Variants in DRD2 observed in about 807,000 individuals in gnomAD.
The protein encoded by DRD2 is dopamine receptor D2.
A neutral mutation model predicts 38.0 loss-of-function variants in DRD2; 8 were observed. That is an observed-to-expected ratio of 0.21 (90% CI 0.12 to 0.38). DRD2 has a LOEUF of 0.38. Among genes scored for constraint, DRD2 ranks in the 10% least tolerant of loss-of-function variants. The probability of loss-of-function intolerance (pLI) is 1.00; values close to 1 mark genes in which losing one functional copy is unlikely to be tolerated. For synonymous variants in DRD2, 230 were observed against 238.6 expected, an observed-to-expected ratio of 0.96 and a Z score of 0.33; for missense variants, 403 against 607.7, an observed-to-expected ratio of 0.66 and a Z score of 3.54.
chr11:113,443,963 G>A (rs978909050), intron 1 of DRD2, among the ~76,000 whole-genome samples: 2 of 152,190 alleles, frequency 1.3e-5, no homozygotes, highest in Non-Finnish European at 1.5e-5. Context: ...GAAGCTGTAA[G>A]TAAAGTACTA....
At chr11:113,438,253 A>G (rs1422590216) in intron 1 of DRD2, among the ~76,000 whole-genome samples, 1 of 152,118 alleles carries the variant, frequency 6.6e-6, no homozygotes, top group African/African-American at 2.4e-5. Context: ...ACTTGGTAGC[A>G]GTATGGCCTT....
At chr11:113,433,476 G>A (rs1025204223) in intron 1 of DRD2, among the ~76,000 whole-genome samples, 5 of 152,156 alleles carry the variant, frequency 3.3e-5, no homozygotes, top group African/African-American at 1.2e-4. Context: ...TACCATTTGG[G>A]GGTGGCAGAG....
chr11:113,450,237 C>G (rs1169375269), intron 1 of DRD2: 1 of 152,290 alleles, frequency 6.6e-6, no homozygotes, highest in East Asian at 1.9e-4. Context: ...TGAGCCAAAG[C>G]ACTTCCAGCT....
chr11:113,472,124 T>A (rs1329503712), intron 1 of DRD2, among the ~76,000 whole-genome samples: 3 of 152,240 alleles, frequency 2.0e-5, no homozygotes, highest in Admixed American at 1.3e-4. Flanking sequence ...AGTCTCATCA[T>A]ATCTGTCTCT....
At chr11:113,437,024 A>G (rs1036779464) in intron 1 of DRD2, among the ~76,000 whole-genome samples, 1 of 152,132 alleles carries the variant, frequency 6.6e-6, no homozygotes, top group Non-Finnish European at 1.5e-5. Context: ...CTTTGGCCTA[A>G]TAAGTCATGT....
intron 2 of DRD2, among the ~76,000 whole-genome samples, chr11:113,421,668 T>C (rs1465442018): frequency 6.6e-6 from 1 of 152,152 alleles, no homozygotes; most frequent in East Asian, 1.9e-4. Flanking sequence ...GATGTTGGCA[T>C]GGCATTGCTG....
intron 2 of DRD2, among the ~76,000 whole-genome samples, chr11:113,421,913 C>T (rs1438234859): frequency 1.3e-5 from 2 of 152,168 alleles, no homozygotes; most frequent in Non-Finnish European, 2.9e-5. Context: ...AGAATGGCTT[C>T]TGCACCCTCC....
At chr11:113,435,365 G>A (rs997633521) in intron 1 of DRD2, among the ~76,000 whole-genome samples, 1 of 151,908 alleles carries the variant, frequency 6.6e-6, no homozygotes, top group African/African-American at 2.4e-5. Context: ...CAGTGATGCT[G>A]AGCGGGGTGG....
At chr11:113,440,731 C>A (rs1951081873) in intron 1 of DRD2, among the ~76,000 whole-genome samples, 1 of 152,186 alleles carries the variant, frequency 6.6e-6, no homozygotes, top group East Asian at 1.9e-4. Flanking sequence ...CTCCAGAGAT[C>A]CACTTATGAG....
chr11:113,427,075 T>C (rs941783830), intron 1 of DRD2, among the ~76,000 whole-genome samples: 2 of 152,222 alleles, frequency 1.3e-5, no homozygotes, highest in African/African-American at 4.8e-5. Flanking sequence ...GATGATAGCA[T>C]CATATACTTG....
chr11:113,423,761 GCA>G (rs1950908157), intron 2 of DRD2, among the ~76,000 whole-genome samples: 1 of 152,212 alleles, frequency 6.6e-6, no homozygotes, highest in Admixed American at 6.5e-5. Flanking sequence ...AAGGGCTACA[GCA>G]CAGTCCATGG....
intron 6 of DRD2, 26 bp from the exon 7 acceptor site, chr11:113,412,909 G>T: frequency 1.9e-6 from 3 of 1,600,706 alleles, no homozygotes; most frequent in Non-Finnish European, 2.6e-6. Context: ...AGGGCTCTGG[G>T]TAAAGCCGGA....
chr11:113,469,456 G>A (rs531749191), intron 1 of DRD2, among the ~76,000 whole-genome samples: 37 of 152,030 alleles, frequency 2.4e-4, no homozygotes, highest in African/African-American at 7.5e-4. Flanking sequence ...TGCCACTTAC[G>A]TATCAGAGAG....
intron 1 of DRD2, among the ~76,000 whole-genome samples, chr11:113,445,796 G>A (rs1227288272): frequency 2.0e-5 from 3 of 152,220 alleles, no homozygotes; most frequent in South Asian, 2.1e-4. Context: ...TCCTCATCAC[G>A]TCTCCATTTC....
intron 1 of DRD2, among the ~76,000 whole-genome samples, chr11:113,469,461 A>T (rs1368520423): frequency 6.6e-6 from 1 of 152,180 alleles, no homozygotes; most frequent in Admixed American, 6.5e-5. Flanking sequence ...CTTACGTATC[A>T]GAGAGGGCTA....
chr11:113,437,517 G>A lies in DRD2; in HGVS notation c.-31-12835C>T, dbSNP rs371869294. ...TATAAAGAGGGAAGTTGAGGTCCAG[G>A]CCATAGCCAAGTTTCCTCAGAATTC... On this transcript the variant is annotated intron_variant, in intron 1 of 7. Coordinates refer to ENST00000362072, the MANE Select transcript of DRD2 (RefSeq NM_000795.4). Among the ~76,000 whole-genome samples the A allele has an allele frequency of 9.9e-4, 150 of 152,282 alleles. 5 individuals carry two copies. The South Asian group carries it at 0.028, about 29-fold the overall frequency.
chr11:113,441,674 G>A lies in DRD2; in HGVS notation c.-31-16992C>T, dbSNP rs563021700. ...CAGCCCGGCTCATGAGGAATGGACT[G>A]TCTCCACACTCCAAGGATGGAAAAA... On this transcript the variant is annotated intron_variant, in intron 1 of 7. Transcript: ENST00000362072. Among the ~76,000 whole-genome samples the A allele has an allele frequency of 1.2e-4, 18 of 152,242 alleles. 1 individual carries two copies. In the South Asian group the frequency reaches 3.1e-3, roughly 26 times the overall value.
Position 113,412,525 on chromosome 11 carries a change from G to A in DRD2, c.1138+31C>T, listed in dbSNP as rs200864988. 3.0e-5 allele frequency: 48 copies of A among 1,606,904 alleles called. No individual in the cohort carries two copies. In the African/African-American group the frequency reaches 3.3e-4, roughly 11 times the overall value. ...CAGGGAATGGGACCTTTCACAGACC[G>A]GGCTGTGGCCAGCAGCCAGGGCCGA... On this transcript the variant is annotated intron_variant, in intron 7 of 7. Coordinates refer to ENST00000362072, the MANE Select transcript of DRD2 (RefSeq NM_000795.4).
chr11:113,430,500 A>G lies in DRD2; in HGVS notation c.-31-5818T>C, dbSNP rs554737996. On this transcript the variant is annotated intron_variant, in intron 1 of 7. Coordinates refer to ENST00000362072, the MANE Select transcript of DRD2 (RefSeq NM_000795.4). ...GGAAGTGCATTGTAGAGTGGATAGC[A>G]ATACAGGGCCTTCCCAGCATTTCTA... Among the ~76,000 whole-genome samples, 28 of 152,350 alleles carry G rather than the reference A, an allele frequency of 1.8e-4. No homozygotes were observed. In the South Asian group the frequency reaches 5.4e-3, roughly 29 times the overall value.
Sources: gnomAD v4.1 joint callset for allele counts (sites outside exome capture counted in the v4.1 genomes callset) on GRCh38, gnomAD v4.1.1 for gene constraint, MANE v1.5 for transcripts, NCBI Gene and HGNC (gene_info 2026-07-23, HGNC 2026-07-21) for gene names.